The following GTPBP2 variants were observed in gnomAD, a reference collection of about 807,000 sequenced individuals.
GTPBP2 encodes GTP-binding protein 2.
GTPBP2 carries 32 observed loss-of-function variants against 63.0 expected under a neutral mutation model. That is an observed-to-expected ratio of 0.51 (90% CI 0.38 to 0.68). The LOEUF (loss-of-function observed/expected upper bound fraction) is 0.68, where lower values mean the gene tolerates loss of function less well. Among genes scored for constraint, GTPBP2 ranks in the 30% least tolerant of loss-of-function variants. The pLI, the probability that GTPBP2 is intolerant of heterozygous loss-of-function variation, is 0.00. For missense variants in GTPBP2, 492 were observed against 796.9 expected (o/e 0.62, Z 4.61); for synonymous variants, 310 against 322.6 (o/e 0.96, Z 0.42).
rs1244073319 is a variant in GTPBP2, at chr6:43,629,075, C to A, written c.88G>T (p.Ala30Ser). ...AVGGTLKARG[A>S]GSSSGCGGPK... Reference sequence around the variant, plus strand: ...CCCCCGCAGCCGCTGCTGCTGCCGGCCCCCCTAGCCTTGAGGGTTCCGCCC... The same window carrying A: ...CCCCCGCAGCCGCTGCTGCTGCCGGACCCCCTAGCCTTGAGGGTTCCGCCC... The change falls in exon 1 of 12, where the codon GCC becomes TCC. Residue 30 changes from alanine to serine, a missense_variant. Physicochemically the swap from Ala to Ser is moderately conservative, Grantham distance 99 (BLOSUM62 1). Around this residue, in one of 2 missense-constraint regions of GTPBP2, gnomAD observed 92 missense variants for 86.1 expected, o/e 1.07. Transcript: ENST00000307126. 1.9e-6 allele frequency: 3 copies of A among 1,598,274 alleles called. No individual in the cohort carries two copies. The Admixed American group carries it at 5.2e-5, about 28-fold the overall frequency.
chr6:43,625,683 C>T lies in GTPBP2; in HGVS notation c.507+73G>A. The T allele has an allele frequency of 7.0e-7, 1 of 1,427,958 alleles. No homozygotes were observed. The highest frequency in any genetic ancestry group is 2.3e-5 in the East Asian group (1 of 43,998). 88.5% of individuals were successfully genotyped at this position (1,427,958 alleles called of 1,614,324 possible). A position where few individuals can be genotyped will look rare whatever the true frequency, so the allele number is the denominator to read the frequency against. On this transcript the variant is annotated intron_variant, in intron 4 of 11. Coordinates refer to ENST00000307126, the MANE Select transcript of GTPBP2 (RefSeq NM_019096.5). The surrounding 1 kb of genome is among the most constrained non-coding windows in gnomAD (Gnocchi z 5.1). The stretch of plus-strand genomic sequence containing the variant: ...AACTGGAAGCCCCCAGGATCCCAGG[C>T]CAGGAGACAGCCTGCCACCACAGGG...
Position 43,624,385 on chromosome 6 carries a change from G to C in GTPBP2, c.1100+125C>G. The C allele has an allele frequency of 2.7e-6, 2 of 748,000 alleles. No individual in the cohort carries two copies. Among genetic ancestry groups the C allele is most frequent in the South Asian group, 1.7e-5 (1 of 60,432 alleles). 46.3% of individuals were successfully genotyped at this position (748,000 alleles called of 1,614,324 possible). On this transcript the variant is annotated intron_variant, in intron 7 of 11. Coordinates refer to ENST00000307126, the MANE Select transcript of GTPBP2 (RefSeq NM_019096.5). The surrounding 1 kb of genome is among the most constrained non-coding windows in gnomAD (Gnocchi z 5.1). ...AGATGCCCCTCCACAATCCCAAGCT[G>C]AAACACCCGCAGAACTAAGCCAGAA...
rs141007800 is a variant in GTPBP2, at chr6:43,621,662, A to G, written c.1761T>C (p.Asp587=). 3.3e-4 allele frequency: 525 copies of G among 1,614,032 alleles called. No homozygotes were observed. Among genetic ancestry groups the G allele is most frequent in the Non-Finnish European group, 4.1e-4 (482 of 1,180,048 alleles). The change falls in exon 12 of 12, where the codon GAT becomes GAC. Residue 587 remains aspartate, a synonymous_variant. Coordinates refer to ENST00000307126, the MANE Select transcript of GTPBP2 (RefSeq NM_019096.5). Reference sequence around the variant, plus strand: ...CTTCTCCTGCTGTAATGGCTTGTACATCAGTGACATGGCCGATGCCCTTGG... The same window carrying G: ...CTTCTCCTGCTGTAATGGCTTGTACGTCAGTGACATGGCCGATGCCCTTGG... ...GVTKGIGHVT[D]VQAITAGEAQ...
rs776302817 is a variant in GTPBP2 at position 43,622,075 on chromosome 6, T to C, written c.1560A>G (p.Arg520=). The change falls in exon 11 of 12, where the codon CGA becomes CGG. Residue 520 remains arginine, a synonymous_variant. Transcript: ENST00000307126. This position sits in a 1 kb window ranked among gnomAD's most constrained non-coding sequence, Gnocchi z 5.4. ...IVLLFHATTF[R]RGFQVTVHVG... is the part of the protein sequence containing the mutation. Reference sequence around the variant, plus strand: ...CGTGTACTGTCACCTGGAATCCTCGTCGGAAGGTGGTGGCATGGAACAGTA... The same window carrying C: ...CGTGTACTGTCACCTGGAATCCTCGCCGGAAGGTGGTGGCATGGAACAGTA... 1 of 1,614,112 alleles carries C rather than the reference T, an allele frequency of 6.2e-7. No homozygotes were observed. The highest frequency in any genetic ancestry group is 1.1e-5 in the South Asian group (1 of 91,082).
chr6:43,628,609 G>T, intron 1 of GTPBP2: 1 of 915,064 alleles, frequency 1.1e-6, no homozygotes, highest in Non-Finnish European at 1.3e-6. Flanking sequence ...AAGTTTAGAA[G>T]AAGTGGTGGT....
In GTPBP2 at chr6:43,625,800, T is replaced by C; in HGVS notation, c.463A>G (p.Lys155Glu). ...EVDYDSDMPR[K>E]ITEVLVRKVP... Reference sequence around the variant, plus strand: ...TTTCGTACTAGCACCTCGGTGATCTTCCGGGGCATGTCGCTATCATAATCC... The same window carrying C: ...TTTCGTACTAGCACCTCGGTGATCTCCCGGGGCATGTCGCTATCATAATCC... Residue 155 changes from lysine (K) to glutamate (E), a missense_variant, in exon 4 of 12, where the codon AAG becomes GAG. Coordinates refer to ENST00000307126, the MANE Select transcript of GTPBP2 (RefSeq NM_019096.5). This position sits in a 1 kb window ranked among gnomAD's most constrained non-coding sequence, Gnocchi z 5.1. The C allele has an allele frequency of 1.9e-6, 3 of 1,614,100 alleles. No individual in the cohort carries two copies. Among genetic ancestry groups the C allele is most frequent in the Non-Finnish European group, 1.7e-6 (2 of 1,179,988 alleles).
Position 43,624,740 on chromosome 6 carries a change from A to C in GTPBP2, c.881-11T>G. On this transcript the variant is annotated splice_polypyrimidine_tract_variant and intron_variant, in intron 6 of 11. Coordinates refer to ENST00000307126, the MANE Select transcript of GTPBP2 (RefSeq NM_019096.5). This position sits in a 1 kb window ranked among gnomAD's most constrained non-coding sequence, Gnocchi z 5.1. The stretch of plus-strand genomic sequence containing the variant: ...CCCTTGTGGTGCCAGCTGCCTCATA[A>C]GGACAGCAAGCAGCAGGAGAGAAGA... 1 of 1,611,754 alleles carries C rather than the reference A, an allele frequency of 6.2e-7. No individual in the cohort carries two copies. Among genetic ancestry groups the C allele is most frequent in the Non-Finnish European group, 8.5e-7 (1 of 1,178,308 alleles).
chr6:43,627,035 C>T (rs1769417294), intron 1 of GTPBP2, 87 bp from the exon 2 acceptor site: 2 of 1,232,794 alleles, frequency 1.6e-6, no homozygotes, highest in Non-Finnish European at 2.3e-6. Flanking sequence ...AGGTAGCTAA[C>T]TTGAGAAAGC....
exon 1 of GTPBP2, chr6:43,629,263 GTGGGGTGGGGCTCTGCACAAGCTACGCC>G: frequency 1.1e-6 from 1 of 893,210 alleles, no homozygotes; most frequent in Non-Finnish European, 1.5e-6. Context: ...CCTGAGCAGA[GTGGGGTGGGGCTCTGCACAAGCTACGCC>G]CCCCACCTCC....
intron 9 of GTPBP2, chr6:43,623,119 G>A (rs1437841210): frequency 1.4e-5 from 4 of 293,912 alleles, no homozygotes; most frequent in Non-Finnish European, 2.6e-5. Context: ...GGCCAGCCGC[G>A]TTGGCTCACA....
At chr6:43,623,688 G>A (rs1168404815) in intron 9 of GTPBP2, 49 bp downstream of exon 9, 2 of 1,365,046 alleles carry the variant, frequency 1.5e-6, no homozygotes, top group African/African-American at 2.9e-5. Context: ...ATGTCTTTGA[G>A]TATATAGGTG....
chr6:43,629,184 C>G lies in GTPBP2; in HGVS notation c.-22G>C. On this transcript the variant is annotated 5_prime_UTR_variant, in exon 1 of 12. Transcript: ENST00000307126. ...CCATCCGCCGCTGCCGCCAGCCCCC[C>G]GCCCGGCCCCTCCCCCGACCGCCGC... is the stretch of plus-strand genomic sequence containing the variant. 2 of 1,375,150 alleles carry G rather than the reference C, an allele frequency of 1.5e-6. No homozygotes were observed. The highest frequency in any genetic ancestry group is 1.9e-6 in the Non-Finnish European group (2 of 1,072,000). The allele number at this position is 1,375,150 out of a possible 1,614,324, so 85.2% of individuals were successfully genotyped here. A position where few individuals can be genotyped will look rare whatever the true frequency, so the allele number is the denominator to read the frequency against.
rs922851338 is a variant in GTPBP2 at position 43,623,363 on chromosome 6, C to A, written c.1295+374G>T. On this transcript the variant is annotated intron_variant, in intron 9 of 11. Coordinates refer to ENST00000307126, the MANE Select transcript of GTPBP2 (RefSeq NM_019096.5). ...CAAGATCGCTCCACTGCAATCCAGC[C>A]TGGGCAACAGAGCGAGACTCTGTCT... The A allele has an allele frequency of 5.6e-5, 12 of 215,816 alleles. No homozygotes were observed. In the South Asian group the frequency reaches 9.7e-4, roughly 17 times the overall value. The allele number at this position is 215,816 out of a possible 1,614,324, so 13.4% of individuals were successfully genotyped here.
intron 9 of GTPBP2, 28 bp downstream of exon 9, chr6:43,623,708 TG>T (rs758459331): frequency 1.9e-5 from 30 of 1,554,746 alleles, no homozygotes; most frequent in Non-Finnish European, 2.7e-5. Context: ...GAGGGCTGAG[TG>T]GGGAGGGTAG....
rs1259117778 is a variant in GTPBP2 at position 43,623,978 on chromosome 6, G to A, written c.1191C>T (p.Asn397=). The stretch of plus-strand genomic sequence containing the variant: ...GCATGAGTTCCTCCTGCTCTTTGCT[G>A]TTGGTGAGTGGCGGCAGAATATTCA... ...VFLNILPPLT[N]SKEQEELMQQ... Residue 397 remains asparagine (N), a synonymous_variant, in exon 8 of 12, where the codon AAC becomes AAT. Coordinates refer to ENST00000307126, the MANE Select transcript of GTPBP2 (RefSeq NM_019096.5). The A allele has an allele frequency of 6.2e-7, 1 of 1,614,178 alleles. No homozygotes were observed. The highest frequency in any genetic ancestry group is 8.5e-7 in the Non-Finnish European group (1 of 1,180,010).
In GTPBP2 at chr6:43,626,327, C is replaced by T; in HGVS notation, c.297G>A (p.Glu99=). The part of the protein sequence containing the change: ...MKWRLQEGRG[E]AVYQIGVEDN... ...CCTCTACCCCAATCTGGTAGACGGC[C>T]TCACCACGTCCCTCCTGGAGCCGCC... The change falls in exon 3 of 12, where the codon GAG becomes GAA. Residue 99 remains glutamate (E), a synonymous_variant. Coordinates refer to ENST00000307126, the MANE Select transcript of GTPBP2 (RefSeq NM_019096.5). The surrounding 1 kb of genome is among the most constrained non-coding windows in gnomAD (Gnocchi z 4.0). 1 of 1,614,226 alleles carries T rather than the reference C, an allele frequency of 6.2e-7. No homozygotes were observed. Among genetic ancestry groups the T allele is most frequent in the Non-Finnish European group, 8.5e-7 (1 of 1,180,014 alleles).
chr6:43,624,145 A>T lies in GTPBP2; in HGVS notation c.1101-77T>A. ...AGAGGCCAGAGCCCCATACATGGAA[A>T]GGTGAGCTTTGTTCTGGCTGGGGGC... is the stretch of plus-strand genomic sequence containing the variant. On this transcript the variant is annotated intron_variant, in intron 7 of 11. Coordinates refer to ENST00000307126, the MANE Select transcript of GTPBP2 (RefSeq NM_019096.5). This position sits in a 1 kb window ranked among gnomAD's most constrained non-coding sequence, Gnocchi z 5.1. The T allele has an allele frequency of 7.3e-7, 1 of 1,377,984 alleles. No individual in the cohort carries two copies. 85.4% of individuals were successfully genotyped at this position (1,377,984 alleles called of 1,614,324 possible).
Position 43,624,227 on chromosome 6 carries a change from G to A in GTPBP2, c.1101-159C>T, listed in dbSNP as rs1438302367. 1.3e-5 allele frequency among the ~76,000 whole-genome samples: 2 copies of A among 151,866 alleles called. No homozygotes were observed. The highest frequency in any genetic ancestry group is 4.9e-5 in the African/African-American group (2 of 41,142). On this transcript the variant is annotated intron_variant, in intron 7 of 11. Transcript: ENST00000307126. This position sits in a 1 kb window ranked among gnomAD's most constrained non-coding sequence, Gnocchi z 5.1. ...CTCTGGGCCTTCTTGTGAGCCAGTCGAGCAATGTCACACAAAAAGCCCATC... is the reference window on the plus strand; with the variant it reads ...CTCTGGGCCTTCTTGTGAGCCAGTCAAGCAATGTCACACAAAAAGCCCATC...
upstream of GTPBP2, chr6:43,629,641 C>T: frequency 5.0e-6 from 6 of 1,208,382 alleles, no homozygotes; most frequent in Non-Finnish European, 6.0e-6. Flanking sequence ...GGGATTTGGC[C>T]CTTTAGCGCG....
Sources: gnomAD v4.1 joint callset for allele counts (sites outside exome capture counted in the v4.1 genomes callset) on GRCh38, gnomAD v4.1.1 for gene constraint, gnomAD v4.1.1 regional missense constraint, Gnocchi (gnomAD v3.1) non-coding constraint, MANE v1.5 for transcripts, NCBI Gene and HGNC (gene_info 2026-07-23, HGNC 2026-07-21) for gene names.